Variants in JRKL observed in about 807,000 individuals in gnomAD.
JRKL encodes the protein jerky protein homolog-like.
JRKL carries 25 observed loss-of-function variants against 34.7 expected under a neutral mutation model. The ratio of observed to expected loss-of-function variants is 0.72; its 90% CI spans 0.53 to 1.01. The LOEUF is 1.01. Ranked by LOEUF, JRKL falls within the 50% of genes least tolerant of loss-of-function variation. JRKL has a pLI of 0.00. For missense variants in JRKL, 495 were observed against 615.7 expected, an observed-to-expected ratio of 0.80 and a Z score of 2.07; for synonymous variants, 204 against 212.8, an observed-to-expected ratio of 0.96 and a Z score of 0.36.
chr11:96,390,973 C>G lies in JRKL; in HGVS notation c.324C>G (p.Phe108Leu). The change falls in exon 2 of 2, where the codon TTC (phenylalanine) becomes TTG (leucine). Residue 108 changes from phenylalanine (F) to leucine (L), a missense_variant. Coordinates refer to ENST00000332349, the MANE Select transcript of JRKL (RefSeq NM_001261833.2). ...CAATTTGTGCAAAAAGGGCAGAGTT[C>G]TTCTTTTATGCTTTGGGAATGGATG... is the stretch of plus-strand genomic sequence containing the variant. ...SGPICAKRAEFFFYALGMDGD... is the reference protein window; with the variant it reads ...SGPICAKRAELFFYALGMDGD... The G allele has an allele frequency of 6.2e-7, 1 of 1,614,126 alleles. No individual in the cohort carries two copies. Among genetic ancestry groups the G allele is most frequent in the East Asian group, 2.2e-5 (1 of 44,880 alleles).
Position 96,391,287 on chromosome 11 carries a change from G to A in JRKL, c.638G>A (p.Cys213Tyr), listed in dbSNP as rs543467860. 7.1e-6 allele frequency: 11 copies of A among 1,551,572 alleles called. No individual in the cohort carries two copies. In the East Asian group the frequency reaches 9.8e-5, roughly 14 times the overall value. The stretch of plus-strand genomic sequence containing the variant: ...ATTGAAGAAAGAGTCACAATCATGT[G>A]TTGTGCCAATGCAACAGGTTTACAC... The part of the protein sequence containing the change: ...KSIEERVTIM[C>Y]CANATGLHKL... The change falls in exon 2 of 2, where the codon TGT becomes TAT. Residue 213 changes from cysteine (C) to tyrosine (Y), a missense_variant. Transcript: ENST00000332349.
rs1866562218 is a variant in JRKL, at chr11:96,392,559, CTGAAATCTTTTGCT to C, written c.*339_*352del. The C allele has an allele frequency of 5.3e-6, 1 of 188,416 alleles. No homozygotes were observed. Among genetic ancestry groups the C allele is most frequent in the Admixed American group, 5.8e-5 (1 of 17,314 alleles). 11.7% of individuals were successfully genotyped at this position (188,416 alleles called of 1,614,324 possible). ...TAACTGAACAGACTGAAGCACTTTT[CTGAAATCTTTTGCT>C]TGATTTATGAAGGCTGCCATAGTTA... On this transcript the variant is annotated 3_prime_UTR_variant, in exon 2 of 2. Transcript: ENST00000332349.
Position 96,390,683 on chromosome 11 carries a change from A to C in JRKL, c.34A>C (p.Ile12Leu). 3 of 1,597,806 alleles carry C rather than the reference A, an allele frequency of 1.9e-6. No homozygotes were observed. The highest frequency in any genetic ancestry group is 2.3e-5 in the South Asian group (2 of 88,230). The part of the protein sequence containing the change: ...SGKRKRVVLT[I>L]KDKLDIIKKL... Reference sequence around the variant, plus strand: ...GAAACGGAAGCGTGTGGTGTTGACTATTAAAGATAAGCTTGATATAATAAA... The same window carrying C: ...GAAACGGAAGCGTGTGGTGTTGACTCTTAAAGATAAGCTTGATATAATAAA... Residue 12 changes from isoleucine to leucine, a missense_variant, in exon 2 of 2, where the codon ATT becomes CTT. Coordinates refer to ENST00000332349, the MANE Select transcript of JRKL (RefSeq NM_001261833.2).
rs1460528301 is a variant in JRKL, at chr11:96,391,091, G to T, written c.442G>T (p.Asp148Tyr). 9.3e-6 allele frequency: 15 copies of T among 1,614,040 alleles called. No individual in the cohort carries two copies. Among genetic ancestry groups the T allele is most frequent in the Non-Finnish European group, 2.5e-6 (3 of 1,180,040 alleles). The change falls in exon 2 of 2, where the codon GAT (aspartate) becomes TAT (tyrosine). Residue 148 changes from aspartate to tyrosine, a missense_variant. Physicochemically the swap from Asp to Tyr is radical, Grantham distance 160 (BLOSUM62 -3). Coordinates refer to ENST00000332349, the MANE Select transcript of JRKL (RefSeq NM_001261833.2). ...CATTAGAAATGAAAGATTAAATGGAGATGAGACTGCGGTGGAAGATTTTTG... is the reference window on the plus strand; with the variant it reads ...CATTAGAAATGAAAGATTAAATGGATATGAGACTGCGGTGGAAGATTTTTG... ...INIRNERLNG[D>Y]ETAVEDFCNN...
At chr11:96,390,182 GAATCT>G (rs1866482581) in intron 1 of JRKL, 109 bp downstream of exon 1, 1 of 155,364 alleles carries the variant, frequency 6.4e-6, no homozygotes, top group Non-Finnish European at 1.4e-5. Context: ...GCTGGGGAAG[GAATCT>G]AATATATCCG....
Position 96,391,698 on chromosome 11 carries a change from G to A in JRKL, c.1049G>A (p.Gly350Asp). The A allele has an allele frequency of 6.2e-7, 1 of 1,614,158 alleles. No homozygotes were observed. The highest frequency in any genetic ancestry group is 8.5e-7 in the Non-Finnish European group (1 of 1,180,028). Reference sequence around the variant, plus strand: ...CTTCTCCAGAACAACTTGGAAGAAGGTAATGACCTGAAATCATTCTGGAAG... The same window carrying A: ...CTTCTCCAGAACAACTTGGAAGAAGATAATGACCTGAAATCATTCTGGAAG... Reference protein sequence around the residue: ...AGLLQNNLEEGNDLKSFWKKL... With the variant: ...AGLLQNNLEEDNDLKSFWKKL... The change falls in exon 2 of 2, where the codon GGT (glycine) becomes GAT (aspartate). Residue 350 changes from glycine (G) to aspartate (D), a missense_variant. Coordinates refer to ENST00000332349, the MANE Select transcript of JRKL (RefSeq NM_001261833.2).
In JRKL at chr11:96,390,284, C is replaced by T. The variant is rs572861566; in HGVS notation, c.-167-199C>T. Among the ~76,000 whole-genome samples the T allele has an allele frequency of 7.6e-4, 115 of 152,190 alleles. No individual in the cohort carries two copies. The Middle Eastern group carries it at 0.01, about 14-fold the overall frequency. On this transcript the variant is annotated intron_variant, in intron 1 of 1. Coordinates refer to ENST00000332349, the MANE Select transcript of JRKL (RefSeq NM_001261833.2). ...TGGGGTGTGGCAGGGGTTAGTGACG[C>T]GCGGTTACCCGGGATCTGGACGTGC...
Position 96,392,195 on chromosome 11 carries a change from A to T in JRKL, c.1546A>T (p.Lys516Ter). Residue 516 changes from lysine to a stop codon, truncating the protein, a stop_gained, in exon 2 of 2, where the codon AAA becomes TAA. Coordinates refer to ENST00000332349, the MANE Select transcript of JRKL (RefSeq NM_001261833.2). LOFTEE classifies it high-confidence loss of function. ...TAAACTTCGAGCCACCATCAGAAAT[A>T]AACAGAAGATGACAAAGTCAAGTCA... ...IRKLRATIRNKQKMTKSSQ is the reference protein window; with the variant it reads ...IRKLRATIRN The T allele has an allele frequency of 1.9e-6, 3 of 1,592,308 alleles. No individual in the cohort carries two copies. Among genetic ancestry groups the T allele is most frequent in the Non-Finnish European group, 1.7e-6 (2 of 1,170,670 alleles).
Position 96,390,646 on chromosome 11 carries a change from C to T in JRKL, c.-4C>T, listed in dbSNP as rs1341645921. 5 of 1,564,816 alleles carry T rather than the reference C, an allele frequency of 3.2e-6. No homozygotes were observed. The highest frequency in any genetic ancestry group is 2.5e-5 in the South Asian group (2 of 81,172). ...GAGTGTGGGGTGAGTCCCAGAACCT[C>T]GCTATGTCAGGGAAACGGAAGCGTG... On this transcript the variant is annotated 5_prime_UTR_variant, in exon 2 of 2. Transcript: ENST00000332349.
In JRKL at chr11:96,390,464, C is replaced by CT; in HGVS notation, c.-167-16dup. ...GGCCTGTTCTCTCAAACTTCCTCCTCTTTCACCTTCTTCTGCAGTCTATTT... is the reference window on the plus strand; with the variant it reads ...GGCCTGTTCTCTCAAACTTCCTCCTCTTTTCACCTTCTTCTGCAGTCTATTT... On this transcript the variant is annotated intron_variant, in intron 1 of 1. Coordinates refer to ENST00000332349, the MANE Select transcript of JRKL (RefSeq NM_001261833.2). 1 of 591,172 alleles carries CT rather than the reference C, an allele frequency of 1.7e-6. No individual in the cohort carries two copies. The highest frequency in any genetic ancestry group is 2.8e-6 in the Non-Finnish European group (1 of 359,774). 36.6% of individuals were successfully genotyped at this position (591,172 alleles called of 1,614,324 possible). A position where few individuals can be genotyped will look rare whatever the true frequency, so the allele number is the denominator to read the frequency against.
rs2136245279 is a variant in JRKL at position 96,392,929 on chromosome 11, T to C, written c.*705T>C. On this transcript the variant is annotated 3_prime_UTR_variant, in exon 2 of 2. Transcript: ENST00000332349. ...TGGGAAATAAAAACCTGGGGAACTT[T>C]AGGTTATTTATACAAAGGGAATAAA... 6.0e-6 allele frequency: 1 copy of C among 166,974 alleles called. No individual in the cohort carries two copies. Among genetic ancestry groups the C allele is most frequent in the African/African-American group, 2.4e-5 (1 of 41,586 alleles). 10.3% of individuals were successfully genotyped at this position (166,974 alleles called of 1,614,324 possible).
At position 96,390,038 on chromosome 11, in the gene JRKL, AG is replaced by A. The variant is rs1277526203; in HGVS notation, c.-202del. ...AGGGGCGGAGCGACTGCCGCGCGAT[AG>A]TCAGGGAGCTGTGCGGGTCCTGGTT... On this transcript the variant is annotated 5_prime_UTR_variant, in exon 1 of 2. Transcript: ENST00000332349. 1 of 152,340 alleles carries A rather than the reference AG, an allele frequency of 6.6e-6. No homozygotes were observed. Among genetic ancestry groups the A allele is most frequent in the Non-Finnish European group, 1.5e-5 (1 of 68,280 alleles). 9.4% of individuals were successfully genotyped at this position (152,340 alleles called of 1,614,324 possible). A position where few individuals can be genotyped will look rare whatever the true frequency, so the allele number is the denominator to read the frequency against.
In JRKL at chr11:96,393,367, A is replaced by G. The variant is rs923335752; in HGVS notation, c.*1143A>G. 1 of 166,946 alleles carries G rather than the reference A, an allele frequency of 6.0e-6. No homozygotes were observed. The highest frequency in any genetic ancestry group is 2.4e-5 in the African/African-American group (1 of 41,450). 10.3% of individuals were successfully genotyped at this position (166,946 alleles called of 1,614,324 possible). On this transcript the variant is annotated 3_prime_UTR_variant, in exon 2 of 2. Transcript: ENST00000332349. ...TTTTAATACATATAAAAAGGGATTAATCTGCTAAAATGTAATCTAAATCAG... is the reference window on the plus strand; with the variant it reads ...TTTTAATACATATAAAAAGGGATTAGTCTGCTAAAATGTAATCTAAATCAG...
Position 96,393,403 on chromosome 11 carries a change from A to T in JRKL, c.*1179A>T, listed in dbSNP as rs1866574034. On this transcript the variant is annotated 3_prime_UTR_variant, in exon 2 of 2. Coordinates refer to ENST00000332349, the MANE Select transcript of JRKL (RefSeq NM_001261833.2). Reference sequence around the variant, plus strand: ...TGTAATCTAAATCAGAATTTTGATAAATTTTTTTTGTAAACTAAGTATGTT... The same window carrying T: ...TGTAATCTAAATCAGAATTTTGATATATTTTTTTTGTAAACTAAGTATGTT... 6.0e-6 allele frequency: 1 copy of T among 166,940 alleles called. No individual in the cohort carries two copies. The highest frequency in any genetic ancestry group is 6.5e-5 in the Admixed American group (1 of 15,272). 10.3% of individuals were successfully genotyped at this position (166,940 alleles called of 1,614,324 possible).
rs1591239783 is a variant in JRKL, at chr11:96,390,493, A to G, written c.-157A>G. ...CACCTTCTTCTGCAGTCTATTTGCC[A>G]GCCAACCCCAGCCCGGGAGGGGATC... On this transcript the variant is annotated 5_prime_UTR_variant, in exon 2 of 2. Transcript: ENST00000332349. 1 of 843,986 alleles carries G rather than the reference A, an allele frequency of 1.2e-6. No individual in the cohort carries two copies. The highest frequency in any genetic ancestry group is 2.8e-5 in the East Asian group (1 of 35,602). 52.3% of individuals were successfully genotyped at this position (843,986 alleles called of 1,614,324 possible). A position where few individuals can be genotyped will look rare whatever the true frequency, so the allele number is the denominator to read the frequency against.
rs2136244652 is a variant in JRKL at position 96,391,971 on chromosome 11, A to G, written c.1322A>G (p.Tyr441Cys). Residue 441 changes from tyrosine (Y) to cysteine (C), a missense_variant, in exon 2 of 2, where the codon TAT (tyrosine) becomes TGT (cysteine). Coordinates refer to ENST00000332349, the MANE Select transcript of JRKL (RefSeq NM_001261833.2). ...WLEVDSTEPG[Y>C]EVLTDSEIIR... ...GAAGTAGACAGTACTGAACCAGGCT[A>G]TGAAGTGTTAACTGATAGCGAAATC... The G allele has an allele frequency of 1.2e-6, 2 of 1,614,118 alleles. No individual in the cohort carries two copies. Among genetic ancestry groups the G allele is most frequent in the East Asian group, 2.2e-5 (1 of 44,878 alleles).
chr11:96,391,869 T>A lies in JRKL; in HGVS notation c.1220T>A (p.Val407Glu). Residue 407 changes from valine to glutamate, a missense_variant, in exon 2 of 2, where the codon GTG becomes GAG. Transcript: ENST00000332349. ...SLDFDVEDISVATVAAILQHT... is the reference protein window; with the variant it reads ...SLDFDVEDISEATVAAILQHT... ...GACTTTGATGTTGAAGATATTTCTG[T>A]GGCTACTGTGGCTGCCATTTTACAA... is the stretch of plus-strand genomic sequence containing the variant. 1 of 1,614,166 alleles carries A rather than the reference T, an allele frequency of 6.2e-7. No individual in the cohort carries two copies. Among genetic ancestry groups the A allele is most frequent in the Non-Finnish European group, 8.5e-7 (1 of 1,180,020 alleles).
In JRKL at chr11:96,391,744, A is replaced by G. The variant is rs2136244248; in HGVS notation, c.1095A>G (p.Ala365=). ...GGAAGAAGCTAACTCTGTTGGATGC[A>G]CTTTATGAAATAGCAATGGCATGGA... ...SFWKKLTLLD[A]LYEIAMAWNL... The change falls in exon 2 of 2, where the codon GCA becomes GCG. Residue 365 remains alanine (A), a synonymous_variant. Coordinates refer to ENST00000332349, the MANE Select transcript of JRKL (RefSeq NM_001261833.2). 12 of 1,614,174 alleles carry G rather than the reference A, an allele frequency of 7.4e-6. No homozygotes were observed. The highest frequency in any genetic ancestry group is 8.5e-6 in the Non-Finnish European group (10 of 1,180,028).
At position 96,391,557 on chromosome 11, in the gene JRKL, T is replaced by G; in HGVS notation, c.908T>G (p.Leu303Arg). 6.4e-7 allele frequency: 1 copy of G among 1,567,470 alleles called. No individual in the cohort carries two copies. Among genetic ancestry groups the G allele is most frequent in the East Asian group, 2.4e-5 (1 of 41,498 alleles). ...NSPTHPNENV[L>R]RSDDGQIFAK... The stretch of plus-strand genomic sequence containing the variant: ...CCAACACATCCAAATGAAAATGTCC[T>G]AAGGTCAGATGATGGCCAAATATTT... Residue 303 changes from leucine to arginine, a missense_variant, in exon 2 of 2, where the codon CTA becomes CGA. Physicochemically the swap from Leu to Arg is moderately radical, Grantham distance 102. Coordinates refer to ENST00000332349, the MANE Select transcript of JRKL (RefSeq NM_001261833.2).
Sources: allele counts gnomAD v4.1 joint callset (sites outside exome capture counted in the v4.1 genomes callset), GRCh38; gene constraint gnomAD v4.1.1; transcripts MANE v1.5; gene names NCBI Gene and HGNC (gene_info 2026-07-23, HGNC 2026-07-21).